RAP1GAP2: variants seen among roughly 807,000 people sequenced by gnomAD.
RAP1GAP2 encodes rap1 GTPase-activating protein 2.
RAP1GAP2 carries 27 observed loss-of-function variants against 95.0 expected under a neutral mutation model. The ratio of observed to expected loss-of-function variants is 0.28; its 90% confidence interval spans 0.21 to 0.39. RAP1GAP2 has a LOEUF of 0.39. RAP1GAP2 is among the 10% of genes least tolerant of loss of function. The probability of loss-of-function intolerance (pLI) is 1.00; values close to 1 mark genes in which losing one functional copy is unlikely to be tolerated. For synonymous variants in RAP1GAP2, 373 were observed against 380.9 expected (o/e 0.98, Z 0.24); for missense variants, 771 against 970.0 (o/e 0.79, Z 2.72).
chr17:2,832,474 C>T (rs536897293), intron 2 of RAP1GAP2, among the ~76,000 whole-genome samples: 6 of 146,364 alleles, frequency 4.1e-5, no homozygotes, highest in African/African-American at 7.6e-5. Flanking sequence ...AGGAGAATGG[C>T]GTGAACCCAG....
chr17:2,856,725 A>AGTCCTTTAT (rs1188101936), intron 2 of RAP1GAP2, among the ~76,000 whole-genome samples: 1 of 152,142 alleles, frequency 6.6e-6, no homozygotes, highest in Non-Finnish European at 1.5e-5. Context: ...AGGCCCATGG[A>AGTCCTTTAT]GTCCTTTATT....
At chr17:2,916,698 A>C (rs756717357) in intron 3 of RAP1GAP2, among the ~76,000 whole-genome samples, 1 of 152,220 alleles carries the variant, frequency 6.6e-6, no homozygotes, top group Non-Finnish European at 1.5e-5. Flanking sequence ...CAGAATCGCT[A>C]GTGGAGCATC....
chr17:3,007,466 G>T (rs566432085), intron 16 of RAP1GAP2, among the ~76,000 whole-genome samples: 1 of 152,316 alleles, frequency 6.6e-6, no homozygotes, highest in South Asian at 2.1e-4. Context: ...GGGAAGACTT[G>T]GTGGACTCCT....
chr17:2,869,845 A>G (rs2072771412), intron 2 of RAP1GAP2, among the ~76,000 whole-genome samples: 1 of 152,114 alleles, frequency 6.6e-6, no homozygotes, highest in African/African-American at 2.4e-5. Context: ...GCGCTCTCCT[A>G]GGAGGCTGAT....
At chr17:2,943,366 C>T (rs553067722) in intron 3 of RAP1GAP2, among the ~76,000 whole-genome samples, 49 of 152,246 alleles carry the variant, frequency 3.2e-4, no homozygotes, top group African/African-American at 1.1e-3. Context: ...AAAAAAGCCT[C>T]ACCTGATTTA....
At chr17:3,006,654 T>C (rs1330623991) in intron 16 of RAP1GAP2, among the ~76,000 whole-genome samples, 4 of 151,210 alleles carry the variant, frequency 2.6e-5, no homozygotes, top group Admixed American at 6.6e-5. Flanking sequence ...AGGATGGTCT[T>C]GATCTCCTGA....
At chr17:2,827,000 G>A (rs1029719717) in intron 2 of RAP1GAP2, among the ~76,000 whole-genome samples, 6 of 152,026 alleles carry the variant, frequency 3.9e-5, no homozygotes, top group Non-Finnish European at 7.4e-5. Flanking sequence ...GCGAGACTCC[G>A]TTTCGAGAGA....
At chr17:3,006,160 T>C in intron 16 of RAP1GAP2, 119 bp downstream of exon 16, 1 of 855,818 alleles carries the variant, frequency 1.2e-6, no homozygotes, top group South Asian at 1.7e-5. Flanking sequence ...AGAGTCTTGC[T>C]CTGTTACCCA....
intron 22 of RAP1GAP2, 74 bp from the exon 23 acceptor site, chr17:3,030,848 C>T (rs1380858977): frequency 2.1e-6 from 3 of 1,433,748 alleles, no homozygotes; most frequent in East Asian, 2.5e-5. Context: ...CCTGGCCTCC[C>T]TAGCCAGTCC....
At chr17:2,943,330 A>G (rs1331891575) in intron 3 of RAP1GAP2, among the ~76,000 whole-genome samples, 5 of 152,206 alleles carry the variant, frequency 3.3e-5, no homozygotes, top group Admixed American at 1.3e-4. Flanking sequence ...TTTAAAATGT[A>G]TAAGGAACTC....
intron 2 of RAP1GAP2, among the ~76,000 whole-genome samples, chr17:2,802,891 C>T (rs960685681): frequency 6.6e-6 from 1 of 152,310 alleles, no homozygotes; most frequent in African/African-American, 2.4e-5. Flanking sequence ...CAGGGCAAGT[C>T]ACCCGGGACA....
chr17:2,898,757 G>C (rs1444487196), intron 2 of RAP1GAP2, among the ~76,000 whole-genome samples: 1 of 152,212 alleles, frequency 6.6e-6, no homozygotes, highest in East Asian at 1.9e-4. Flanking sequence ...TTGGCAACAA[G>C]GCGACCAGCC....
At chr17:2,896,524 G>C (rs1567753819) in intron 2 of RAP1GAP2, among the ~76,000 whole-genome samples, 1 of 152,302 alleles carries the variant, frequency 6.6e-6, no homozygotes, top group East Asian at 1.9e-4. Context: ...CTGCTGGCTT[G>C]GGTGTAAACC....
At chr17:2,774,699 G>A (rs2151438422), upstream of RAP1GAP2, among the ~76,000 whole-genome samples, 1 of 151,822 alleles carries the variant, frequency 6.6e-6, no homozygotes, top group South Asian at 2.1e-4. Context: ...TCGAATTCCT[G>A]ACCTCAGGTG....
chr17:2,814,203 ACT>A (rs2069899204), intron 2 of RAP1GAP2, among the ~76,000 whole-genome samples: 1 of 151,722 alleles, frequency 6.6e-6, no homozygotes, highest in Non-Finnish European at 1.5e-5. Context: ...TTAAATCCTG[ACT>A]CTACCAGCTG....
intron 3 of RAP1GAP2, among the ~76,000 whole-genome samples, chr17:2,929,453 G>C (rs1241326228): frequency 6.6e-6 from 1 of 152,154 alleles, no homozygotes; most frequent in Non-Finnish European, 1.5e-5. Context: ...CAGGGTGGAA[G>C]AAGGTAAGCC....
chr17:2,969,426 A>T (rs1408351400), intron 8 of RAP1GAP2, among the ~76,000 whole-genome samples: 1 of 130,878 alleles, frequency 7.6e-6, no homozygotes, highest in Non-Finnish European at 1.7e-5. Flanking sequence ...CAACCCAACC[A>T]TTTGAAACAC....
rs2069100609 is a variant in RAP1GAP2, at chr17:2,796,771, C to T, written c.44+200C>T. On this transcript the variant is annotated intron_variant, in intron 1 of 24. Transcript: ENST00000254695. The surrounding 1 kb of genome is among the most constrained non-coding windows in gnomAD (Gnocchi z 4.7). Reference sequence around the variant, plus strand: ...AAGCCTTCCCCACTGTCCCTGGGCACAATCTGCTGGCGAATCCTGGAGGTC... The same window carrying T: ...AAGCCTTCCCCACTGTCCCTGGGCATAATCTGCTGGCGAATCCTGGAGGTC... Among the ~76,000 whole-genome samples the T allele has an allele frequency of 6.6e-6, 1 of 152,152 alleles. No individual in the cohort carries two copies. The highest frequency in any genetic ancestry group is 6.5e-5 in the Admixed American group (1 of 15,278).
intron 3 of RAP1GAP2, among the ~76,000 whole-genome samples, chr17:2,955,411 C>T (rs752551581): frequency 6.6e-6 from 1 of 152,054 alleles, no homozygotes; most frequent in Non-Finnish European, 1.5e-5. Flanking sequence ...CTTATTGTTC[C>T]TTTGTATGTC....
Sources: allele counts gnomAD v4.1 joint callset (sites outside exome capture counted in the v4.1 genomes callset), GRCh38; gene constraint gnomAD v4.1.1; non-coding constraint Gnocchi (gnomAD v3.1); transcripts MANE v1.5; gene names NCBI Gene and HGNC (gene_info 2026-07-23, HGNC 2026-07-21).